Variants in LRP12 observed in about 807,000 individuals in gnomAD.
The protein encoded by LRP12 is low-density lipoprotein receptor-related protein 12.
Under a neutral mutation model 66.0 loss-of-function variants are expected in LRP12, and 14 were observed. That is an observed-to-expected ratio of 0.21 (90% CI 0.14 to 0.33). The LOEUF is 0.33. Among genes scored for constraint, LRP12 ranks in the 10% least tolerant of loss-of-function variants. LRP12 has a pLI of 1.00. For synonymous variants in LRP12, 357 were observed against 359.1 expected (o/e 0.99, Z 0.07); for missense variants, 889 against 1,053.4 (o/e 0.84, Z 2.16).
intron 2 of LRP12, among the ~76,000 whole-genome samples, chr8:104,520,566 T>C (rs146487176): frequency 1.1e-4 from 17 of 152,212 alleles, no homozygotes; most frequent in Non-Finnish European, 2.2e-4. Flanking sequence ...ACTGTGTCTT[T>C]TGTCAAGGGT....
intron 1 of LRP12, among the ~76,000 whole-genome samples, chr8:104,541,807 T>C (rs1358066588): frequency 1.3e-5 from 2 of 152,210 alleles, no homozygotes; most frequent in Non-Finnish European, 2.9e-5. Flanking sequence ...TATGTTTTCA[T>C]GATTCATCCT....
intron 1 of LRP12, among the ~76,000 whole-genome samples, chr8:104,534,919 A>C (rs1811373198): frequency 6.6e-6 from 1 of 151,786 alleles, no homozygotes; most frequent in Non-Finnish European, 1.5e-5. Context: ...AGAAAATTTC[A>C]TATATATGAA....
In LRP12 at chr8:104,573,469, C is replaced by T. The variant is rs539701491; in HGVS notation, c.79+15350G>A. 4.6e-5 allele frequency among the ~76,000 whole-genome samples: 7 copies of T among 152,250 alleles called. No individual in the cohort carries two copies. In the East Asian group the frequency reaches 1.4e-3, roughly 29 times the overall value. On this transcript the variant is annotated intron_variant, in intron 1 of 6. Transcript: ENST00000276654. ...TATCTCCACTGAGGTCTCTTACTGG[C>T]TTACTTAATCCTATAGCTGATGCGT...
At chr8:104,552,734 A>G in intron 1 of LRP12, among the ~76,000 whole-genome samples, 1 of 152,202 alleles carries the variant, frequency 6.6e-6, no homozygotes, top group East Asian at 1.9e-4. Context: ...AATGGTGCAC[A>G]GGAGGCAGGA....
intron 1 of LRP12, among the ~76,000 whole-genome samples, chr8:104,550,002 G>C (rs946925887): frequency 1.3e-5 from 2 of 152,044 alleles, no homozygotes; most frequent in Admixed American, 1.3e-4. Context: ...CATGTTCAAA[G>C]GTTCAAGTAC....
intron 3 of LRP12, among the ~76,000 whole-genome samples, chr8:104,502,589 C>G (rs1162945475): frequency 6.6e-6 from 1 of 152,162 alleles, no homozygotes; most frequent in Non-Finnish European, 1.5e-5. Flanking sequence ...CACAGACTGG[C>G]AAGAATCTTC....
chr8:104,557,921 G>A (rs1188649281), intron 1 of LRP12, among the ~76,000 whole-genome samples: 2 of 152,044 alleles, frequency 1.3e-5, no homozygotes, highest in African/African-American at 2.4e-5. Context: ...ATAAAAGTAG[G>A]CATATAGGCC....
chr8:104,565,742 T>A (rs1024075930), intron 1 of LRP12, among the ~76,000 whole-genome samples: 7 of 151,132 alleles, frequency 4.6e-5, no homozygotes, highest in African/African-American at 1.7e-4. Context: ...GCGCCTGTAG[T>A]CCCAGCTACT....
At chr8:104,554,094 G>A (rs959202518) in intron 1 of LRP12, among the ~76,000 whole-genome samples, 26 of 152,164 alleles carry the variant, frequency 1.7e-4, no homozygotes, top group African/African-American at 2.7e-4. Flanking sequence ...CATCAAGGGA[G>A]CAACCCATGG....
chr8:104,507,613 C>A, intron 3 of LRP12: 1 of 152,146 alleles, frequency 6.6e-6, no homozygotes, highest in East Asian at 1.9e-4. Context: ...CATACTTAGT[C>A]ACACTACAAG....
intron 1 of LRP12, among the ~76,000 whole-genome samples, chr8:104,548,175 T>TAATATAC (rs1290272357): frequency 9.9e-6 from 1 of 100,850 alleles, no homozygotes; most frequent in Admixed American, 1.4e-4. Flanking sequence ...ATATATAATA[T>TAATATAC]AATATATAAT....
chr8:104,510,157 A>C (rs2140844015), intron 2 of LRP12, among the ~76,000 whole-genome samples: 1 of 152,306 alleles, frequency 6.6e-6, no homozygotes, highest in Admixed American at 6.5e-5. Context: ...GATCCTTAGG[A>C]GCATAATGCT....
intron 5 of LRP12, 61 bp downstream of exon 5, chr8:104,496,911 C>G: frequency 7.1e-7 from 1 of 1,414,084 alleles, no homozygotes; most frequent in Non-Finnish European, 9.3e-7. Context: ...CATCAAAGAA[C>G]TTGTTTCAAA....
intron 1 of LRP12, among the ~76,000 whole-genome samples, chr8:104,539,425 C>T (rs1376342258): frequency 6.6e-6 from 1 of 151,904 alleles, no homozygotes; most frequent in African/African-American, 2.4e-5. Flanking sequence ...GTTTTGGGTA[C>T]ATAGGGGGTC....
intron 1 of LRP12, among the ~76,000 whole-genome samples, chr8:104,543,574 A>C (rs779678712): frequency 5.9e-5 from 9 of 152,148 alleles, no homozygotes; most frequent in Non-Finnish European, 1.2e-4. Context: ...CCTTATAATG[A>C]TCTCTAAGTG....
chr8:104,588,438 G>A (rs910655449), intron 1 of LRP12, among the ~76,000 whole-genome samples: 2 of 152,190 alleles, frequency 1.3e-5, no homozygotes, highest in Non-Finnish European at 2.9e-5. Flanking sequence ...AGCGGCGGGG[G>A]CGAGCTCCTC....
Position 104,588,994 on chromosome 8 carries a change from C to CCGCCGCCGCCGCCGA in LRP12, c.-98_-97insTCGGCGGCGGCGGCG. ...GACGCCGCCGCCGCCGCCGCCGCCG[C>CCGCCGCCGCCGCCGA]CGCCGAGCCACCGGCTGCTCCCTGC... On this transcript the variant is annotated 5_prime_UTR_variant, in exon 1 of 7. Transcript: ENST00000276654. The CCGCCGCCGCCGCCGA allele has an allele frequency of 2.2e-6, 2 of 902,672 alleles. No individual in the cohort carries two copies. The highest frequency in any genetic ancestry group is 3.3e-6 in the Non-Finnish European group (2 of 607,352). The allele number at this position is 902,672 out of a possible 1,614,324, so 55.9% of individuals were successfully genotyped here.
chr8:104,531,391 G>A (rs887101108), intron 2 of LRP12, among the ~76,000 whole-genome samples: 5 of 151,856 alleles, frequency 3.3e-5, no homozygotes, highest in Non-Finnish European at 7.4e-5. Flanking sequence ...AAGCCTAGAT[G>A]AGTATAAAAA....
At position 104,549,169 on chromosome 8, in the gene LRP12, T is replaced by C. The variant is rs117564060; in HGVS notation, c.80-17206A>G. ...TAAAAAACAAAAGCAAAACCACTAC[T>C]TTCTTGCCAGTGCACCTCCTTCCTT... On this transcript the variant is annotated intron_variant, in intron 1 of 6. Coordinates refer to ENST00000276654, the MANE Select transcript of LRP12 (RefSeq NM_013437.5). 2.6e-5 allele frequency among the ~76,000 whole-genome samples: 4 copies of C among 152,170 alleles called. No homozygotes were observed. In the South Asian group the frequency reaches 8.3e-4, roughly 32 times the overall value.
Sources: allele counts gnomAD v4.1 joint callset (sites outside exome capture counted in the v4.1 genomes callset), GRCh38; gene constraint gnomAD v4.1.1; transcripts MANE v1.5; gene names NCBI Gene and HGNC (gene_info 2026-07-23, HGNC 2026-07-21).